The following CATSPERE variants were observed in gnomAD, a reference collection of about 807,000 sequenced individuals.
The protein encoded by CATSPERE is cation channel sperm-associated auxiliary subunit epsilon.
In CATSPERE, 93 loss-of-function variants were observed where a neutral mutation model predicts 114.1. That is an observed-to-expected ratio of 0.81 (90% CI 0.69 to 0.97). The LOEUF (loss-of-function observed/expected upper bound fraction) is 0.97, where lower values mean the gene tolerates loss of function less well. Among genes scored for constraint, CATSPERE ranks in the 50% least tolerant of loss-of-function variants. CATSPERE has a pLI of 0.00. For missense variants in CATSPERE, 1,058 were observed against 1,131.6 expected, an observed-to-expected ratio of 0.93 and a Z score of 0.93; for synonymous variants, 341 against 384.1, an observed-to-expected ratio of 0.89 and a Z score of 1.31.
At chr1:244,584,437 G>A (rs1480845776) in intron 13 of CATSPERE, among the ~76,000 whole-genome samples, 1 of 151,898 alleles carries the variant, frequency 6.6e-6, no homozygotes, top group Non-Finnish European at 1.5e-5. Context: ...TGATGAATAG[G>A]TAGAAGTTCA....
chr1:244,477,532 C>CT lies in CATSPERE; in HGVS notation c.115-3dup. ...TATTTTTTGTTCGAACTCTTGTTTT[C>CT]TTTTTTAGATTAAGTTAGAGTATGA... On this transcript the variant is annotated splice_polypyrimidine_tract_variant and intron_variant, in intron 2 of 21. Transcript: ENST00000366534. 1.3e-6 allele frequency: 2 copies of CT among 1,534,620 alleles called. No homozygotes were observed. Among genetic ancestry groups the CT allele is most frequent in the Non-Finnish European group, 1.8e-6 (2 of 1,116,764 alleles).
At chr1:244,580,940 G>T (rs1002685857) in intron 11 of CATSPERE, among the ~76,000 whole-genome samples, 4 of 152,044 alleles carry the variant, frequency 2.6e-5, no homozygotes, top group African/African-American at 9.7e-5. Flanking sequence ...GGTGGAGGTT[G>T]TAGTGAGCCA....
intron 7 of CATSPERE, among the ~76,000 whole-genome samples, chr1:244,514,952 A>G (rs1676385791): frequency 1.3e-5 from 2 of 152,208 alleles, no homozygotes; most frequent in Admixed American, 1.3e-4. Flanking sequence ...AGGATTATGT[A>G]AACTATTCCC....
At chr1:244,630,959 AT>A (rs897543753) in intron 20 of CATSPERE, among the ~76,000 whole-genome samples, 1 of 152,076 alleles carries the variant, frequency 6.6e-6, no homozygotes, top group Non-Finnish European at 1.5e-5. Flanking sequence ...CTCAGAATTC[AT>A]TTTTTCTATA....
At chr1:244,612,809 G>A (rs759719828) in intron 19 of CATSPERE, among the ~76,000 whole-genome samples, 6 of 152,106 alleles carry the variant, frequency 3.9e-5, no homozygotes, top group African/African-American at 1.4e-4. Flanking sequence ...TTACAGGCGC[G>A]GCACCACGCC....
At chr1:244,620,992 C>T (rs1672019528) in intron 20 of CATSPERE, among the ~76,000 whole-genome samples, 1 of 115,880 alleles carries the variant, frequency 8.6e-6, no homozygotes. Context: ...TCAATCTTGG[C>T]TCCAGATTAA....
intron 7 of CATSPERE, among the ~76,000 whole-genome samples, chr1:244,509,174 A>G (rs1011139507): frequency 1.3e-5 from 2 of 151,994 alleles, no homozygotes; most frequent in Non-Finnish European, 2.9e-5. Context: ...GAAGCTTTCA[A>G]CTTTTCCCCA....
chr1:244,537,476 A>G (rs1558453351), intron 8 of CATSPERE, among the ~76,000 whole-genome samples: 1 of 152,164 alleles, frequency 6.6e-6, no homozygotes, highest in Admixed American at 6.5e-5. Flanking sequence ...TATTAGGGCA[A>G]TGCTGGCTGG....
chr1:244,491,633 CA>C (rs1415657808), intron 6 of CATSPERE, among the ~76,000 whole-genome samples: 1 of 152,004 alleles, frequency 6.6e-6, no homozygotes, highest in African/African-American at 2.4e-5. Flanking sequence ...AAAAACCCTT[CA>C]AAAAATTAAT....
At chr1:244,494,602 T>TA (rs373526420) in intron 6 of CATSPERE, among the ~76,000 whole-genome samples, 7,611 of 140,206 alleles carry the variant, frequency 0.054, 204 homozygotes, top group Non-Finnish European at 0.068. Flanking sequence ...TAAAGTATAA[T>TA]AAAAAAAAAA....
intron 2 of CATSPERE, among the ~76,000 whole-genome samples, chr1:244,472,007 TGG>T (rs1044809305): frequency 4.1e-4 from 63 of 152,198 alleles, no homozygotes; most frequent in African/African-American, 1.4e-3. Context: ...TTGCCTAGCG[TGG>T]TGTGTGTGGC....
intron 9 of CATSPERE, among the ~76,000 whole-genome samples, chr1:244,557,580 T>TAA (rs1661842053): frequency 9.5e-6 from 1 of 105,476 alleles, no homozygotes; most frequent in African/African-American, 3.9e-5. Flanking sequence ...TATATATATA[T>TAA]ATAAAATCTC....
At chr1:244,590,306 C>A (rs1667558049) in intron 14 of CATSPERE, among the ~76,000 whole-genome samples, 1 of 152,150 alleles carries the variant, frequency 6.6e-6, no homozygotes, top group South Asian at 2.1e-4. Flanking sequence ...AACTAGAAAT[C>A]TTGCATTTAA....
chr1:244,595,564 C>CAGGAAGCTAGCT (rs1668280381), intron 17 of CATSPERE, among the ~76,000 whole-genome samples: 1 of 152,120 alleles, frequency 6.6e-6, no homozygotes, highest in South Asian at 2.1e-4. Flanking sequence ...GAGAAGAGGC[C>CAGGAAGCTAGCT]AGGAAGCTAG....
chr1:244,566,185 CTGTT>C (rs764976380), intron 10 of CATSPERE, among the ~76,000 whole-genome samples: 24 of 152,126 alleles, frequency 1.6e-4, no homozygotes, highest in Admixed American at 7.2e-4. Context: ...GTCTGAGAGA[CTGTT>C]TGTTATGATT....
intron 5 of CATSPERE, among the ~76,000 whole-genome samples, chr1:244,480,943 C>T (rs1414966976): frequency 6.6e-6 from 1 of 152,138 alleles, no homozygotes; most frequent in Admixed American, 6.5e-5. Flanking sequence ...GGTTCTGAAC[C>T]AGTTGAGAAA....
At position 244,491,986 on chromosome 1, in the gene CATSPERE, T is replaced by C. The variant is rs1347745342; in HGVS notation, c.351+1515T>C. Among the ~76,000 whole-genome samples, 6 of 152,260 alleles carry C rather than the reference T, an allele frequency of 3.9e-5. No homozygotes were observed. In the East Asian group the frequency reaches 1.2e-3, roughly 29 times the overall value. On this transcript the variant is annotated intron_variant, in intron 6 of 21. Transcript: ENST00000366534. ...CAACCAAAAAAAGTCCAGGACCAGA[T>C]GGATTCACAGCCCAATTCTACCTGA...
chr1:244,470,437 G>A (rs1668292345), intron 2 of CATSPERE, among the ~76,000 whole-genome samples: 1 of 152,164 alleles, frequency 6.6e-6, no homozygotes. Flanking sequence ...CCCCATCAGG[G>A]AAATGGAAAT....
Position 244,526,064 on chromosome 1 carries a change from G to A in CATSPERE, c.536+7366G>A, listed in dbSNP as rs558256803. On this transcript the variant is annotated intron_variant, in intron 8 of 21. Transcript: ENST00000366534. ...TGCACTCAATGTGAGAAAGGCAGGTGACAGTGAGTGGGTAGCCAACGTAGC... is the reference window on the plus strand; with the variant it reads ...TGCACTCAATGTGAGAAAGGCAGGTAACAGTGAGTGGGTAGCCAACGTAGC... 1.2e-4 allele frequency among the ~76,000 whole-genome samples: 18 copies of A among 152,312 alleles called. No homozygotes were observed. In the South Asian group the frequency reaches 3.5e-3, roughly 30 times the overall value.
Sources: allele counts gnomAD v4.1 joint callset (sites outside exome capture counted in the v4.1 genomes callset), GRCh38; gene constraint gnomAD v4.1.1; transcripts MANE v1.5; gene names NCBI Gene and HGNC (gene_info 2026-07-23, HGNC 2026-07-21).